TMPRSS4: variants seen among roughly 807,000 people sequenced by gnomAD.
TMPRSS4 encodes the protein transmembrane serine protease 4, also known as transmembrane protease serine 4.
TMPRSS4 carries 45 observed loss-of-function variants against 56.4 expected under a neutral mutation model. The observed-to-expected ratio is 0.80, with a 90% CI of 0.63 to 1.02. The LOEUF is 1.02. TMPRSS4 is among the 50% of genes least tolerant of loss of function. The pLI is 0.00. For missense variants in TMPRSS4, 546 were observed against 556.7 expected (o/e 0.98, Z 0.19); for synonymous variants, 205 against 211.0 (o/e 0.97, Z 0.25).
intron 3 of TMPRSS4, among the ~76,000 whole-genome samples, chr11:118,101,153 C>A (rs1485132186): frequency 6.6e-6 from 1 of 152,224 alleles, no homozygotes; most frequent in Non-Finnish European, 1.5e-5. Context: ...TGGCTCTACA[C>A]TGGAAGCACT....
intron 8 of TMPRSS4, among the ~76,000 whole-genome samples, chr11:118,112,122 G>A (rs553078746): frequency 1.3e-5 from 2 of 152,174 alleles, no homozygotes; most frequent in South Asian, 2.1e-4. Context: ...TCTTCCTGGT[G>A]GGACACCAGC....
chr11:118,104,302 G>T (rs1277968297), intron 4 of TMPRSS4, among the ~76,000 whole-genome samples: 2 of 152,130 alleles, frequency 1.3e-5, no homozygotes, highest in Admixed American at 6.5e-5. Flanking sequence ...ATTTCCCCAG[G>T]CTGGGCAAGT....
At chr11:118,085,018 A>C (rs1394860745) in intron 1 of TMPRSS4, among the ~76,000 whole-genome samples, 1 of 152,072 alleles carries the variant, frequency 6.6e-6, no homozygotes, top group Non-Finnish European at 1.5e-5. Context: ...TCATGCAAAG[A>C]CCAGATGGGG....
At chr11:118,084,629 T>A (rs1196037663) in intron 1 of TMPRSS4, among the ~76,000 whole-genome samples, 1 of 152,204 alleles carries the variant, frequency 6.6e-6, no homozygotes, top group African/African-American at 2.4e-5. Flanking sequence ...AGACCCTCCT[T>A]GAACATGTGT....
At chr11:118,108,047 T>C in intron 6 of TMPRSS4, 172 bp downstream of exon 6, 1 of 588,038 alleles carries the variant, frequency 1.7e-6, no homozygotes, top group South Asian at 2.2e-5. Context: ...ACTCACATTT[T>C]GGAGAGGTTT....
At chr11:118,115,452 T>C in intron 11 of TMPRSS4, 172 bp downstream of exon 11, 1 of 722,244 alleles carries the variant, frequency 1.4e-6, no homozygotes, top group Non-Finnish European at 2.2e-6. Flanking sequence ...GATAAAAGTG[T>C]ACCAATAGAT....
chr11:118,093,786 A>C (rs1408618305), intron 1 of TMPRSS4, among the ~76,000 whole-genome samples: 1 of 148,710 alleles, frequency 6.7e-6, no homozygotes, highest in Non-Finnish European at 1.5e-5. Context: ...ATGTTCCAGA[A>C]GACTCCACTG....
intron 2 of TMPRSS4, among the ~76,000 whole-genome samples, chr11:118,096,298 T>C (rs1421677771): frequency 6.6e-6 from 1 of 152,224 alleles, no homozygotes; most frequent in Non-Finnish European, 1.5e-5. Context: ...GTGTCTGAAG[T>C]TAAAACATTC....
intron 8 of TMPRSS4, among the ~76,000 whole-genome samples, chr11:118,112,281 T>C (rs1213698571): frequency 6.6e-6 from 1 of 151,688 alleles, no homozygotes; most frequent in Non-Finnish European, 1.5e-5. Flanking sequence ...CCTCATTATG[T>C]CTGGAAACTT....
intron 2 of TMPRSS4, among the ~76,000 whole-genome samples, chr11:118,096,909 AAGGGAGAGAG>A (rs1946365287): frequency 1.2e-4 from 2 of 16,080 alleles, no homozygotes; most frequent in Non-Finnish European, 3.0e-4. Flanking sequence ...GAAAGAAAGA[AAGGGAGAGAG>A]AAAGGAAAGA....
chr11:118,106,920 C>T (rs1947021039), intron 5 of TMPRSS4: 1 of 152,212 alleles, frequency 6.6e-6, no homozygotes, highest in African/African-American at 2.4e-5. Context: ...TTAAAATGCA[C>T]TCTAGTCCTC....
Position 118,121,699 on chromosome 11 carries a change from CAG to C in TMPRSS4, c.*3788_*3789del, listed in dbSNP as rs1565446657. On this transcript the variant is annotated 3_prime_UTR_variant, in exon 13 of 13. Transcript: ENST00000437212. ...TTTTGTGGGTTAATTTTTTTTGAAA[CAG>C]ATATTGAATTTATTGGTTGGCTATG... The C allele has an allele frequency of 1.3e-5, 2 of 151,872 alleles. No homozygotes were observed. Among genetic ancestry groups the C allele is most frequent in the African/African-American group, 4.8e-5 (2 of 41,320 alleles). The allele number at this position is 151,872 out of a possible 1,614,324, so 9.4% of individuals were successfully genotyped here.
At chr11:118,107,905 GA>G in intron 6 of TMPRSS4, 30 bp downstream of exon 6, 1 of 1,596,780 alleles carries the variant, frequency 6.3e-7, no homozygotes. Flanking sequence ...CTGGCCTACA[GA>G]AGGCCCCCAC....
chr11:118,099,943 C>T (rs1325316389), intron 3 of TMPRSS4, among the ~76,000 whole-genome samples: 1 of 152,106 alleles, frequency 6.6e-6, no homozygotes, highest in Non-Finnish European at 1.5e-5. Context: ...GATGTGGGTC[C>T]TTTTTGGCTC....
At chr11:118,125,203 T>C (rs1450492882), downstream of TMPRSS4, 3 of 449,246 alleles carry the variant, frequency 6.7e-6, no homozygotes, top group Non-Finnish European at 1.4e-5. Flanking sequence ...TAACAAAACA[T>C]GGAAATGATT....
At chr11:118,090,376 C>T (rs914637797) in intron 1 of TMPRSS4, among the ~76,000 whole-genome samples, 1 of 152,186 alleles carries the variant, frequency 6.6e-6, no homozygotes, top group South Asian at 2.1e-4. Context: ...CAGTCCCTGT[C>T]ATTCTAGCTT....
chr11:118,095,555 T>C (rs1946239320), intron 2 of TMPRSS4, among the ~76,000 whole-genome samples: 1 of 152,196 alleles, frequency 6.6e-6, no homozygotes, highest in East Asian at 1.9e-4. Context: ...GTTTATACTT[T>C]GGAATTCAAT....
At chr11:118,104,385 C>T (rs1338663690) in intron 4 of TMPRSS4, among the ~76,000 whole-genome samples, 1 of 151,890 alleles carries the variant, frequency 6.6e-6, no homozygotes, top group Non-Finnish European at 1.5e-5. Context: ...GTAGAGTGAC[C>T]ACATAATTGA....
intron 5 of TMPRSS4, chr11:118,105,690 A>G (rs1456085254): frequency 1.3e-5 from 2 of 152,218 alleles, no homozygotes; most frequent in Non-Finnish European, 2.9e-5. Context: ...GAACCCATAC[A>G]TTCAGTTGCA....
Sources: allele counts gnomAD v4.1 joint callset (sites outside exome capture counted in the v4.1 genomes callset), GRCh38; gene constraint gnomAD v4.1.1; transcripts MANE v1.5; gene names NCBI Gene and HGNC (gene_info 2026-07-23, HGNC 2026-07-21).